The following ENKUR variants were observed in gnomAD, a reference collection of about 807,000 sequenced individuals.
The protein encoded by ENKUR is enkurin.
In ENKUR, 19 loss-of-function variants were observed where a neutral mutation model predicts 27.6. The observed-to-expected ratio is 0.69, with a 90% CI of 0.48 to 1.01. The LOEUF is 1.01. Among genes scored for constraint, ENKUR ranks in the 50% least tolerant of loss-of-function variants. The probability of loss-of-function intolerance (pLI) is 0.00; values close to 1 mark genes in which losing one functional copy is unlikely to be tolerated. For missense variants in ENKUR, 312 were observed against 310.5 expected (o/e 1.00, Z -0.04); for synonymous variants, 117 against 96.9 (o/e 1.21, Z -1.22).
chr10:24,993,771 A>G (rs1371635902), intron 3 of ENKUR, among the ~76,000 whole-genome samples: 2 of 152,226 alleles, frequency 1.3e-5, no homozygotes, highest in Non-Finnish European at 2.9e-5. Flanking sequence ...TTCTGTTTCC[A>G]TGATGGATAC....
chr10:25,024,295 A>C (rs1472865795), intron 2 of ENKUR: 8 of 1,614,220 alleles, frequency 5.0e-6, no homozygotes, highest in Non-Finnish European at 6.8e-6. Flanking sequence ...TTTACAGCTT[A>C]TGCCTCATAT....
At chr10:24,988,783 G>A (rs189210581) in intron 4 of ENKUR, among the ~76,000 whole-genome samples, 3 of 128,538 alleles carry the variant, frequency 2.3e-5, no homozygotes, top group African/African-American at 8.9e-5. Flanking sequence ...TCCTGTCCAG[G>A]TATAATGAGA....
At chr10:25,029,798 A>T (rs1850913949) in intron 2 of ENKUR, among the ~76,000 whole-genome samples, 1 of 152,206 alleles carries the variant, frequency 6.6e-6, no homozygotes, top group Non-Finnish European at 1.5e-5. Flanking sequence ...GAAAGTTGCC[A>T]ATGTCATGGA....
At chr10:24,999,187 A>G (rs1241237706) in intron 2 of ENKUR, among the ~76,000 whole-genome samples, 1 of 152,178 alleles carries the variant, frequency 6.6e-6, no homozygotes, top group Non-Finnish European at 1.5e-5. Context: ...GATAGTCCAA[A>G]CCCAATCTAA....
chr10:25,029,427 G>T (rs980311149), intron 2 of ENKUR, among the ~76,000 whole-genome samples: 1 of 152,028 alleles, frequency 6.6e-6, no homozygotes, highest in African/African-American at 2.4e-5. Flanking sequence ...AAATTGTTTT[G>T]TATGAAGTTT....
intron 2 of ENKUR, among the ~76,000 whole-genome samples, chr10:25,030,510 T>C (rs972836722): frequency 1.3e-5 from 2 of 152,192 alleles, no homozygotes; most frequent in African/African-American, 4.8e-5. Context: ...TGATTCTTGA[T>C]TTTTAAAATG....
chr10:25,053,252 C>T (rs372466090), intron 2 of ENKUR, among the ~76,000 whole-genome samples: 18 of 152,216 alleles, frequency 1.2e-4, no homozygotes, highest in Admixed American at 5.9e-4. Flanking sequence ...TAAAATCAAG[C>T]GAATTAACAT....
chr10:25,021,399 A>G (rs1466662333), intron 2 of ENKUR, among the ~76,000 whole-genome samples: 2 of 152,232 alleles, frequency 1.3e-5, no homozygotes, highest in Admixed American at 1.3e-4. Flanking sequence ...TCATAGCTTT[A>G]GTCTGCTGAC....
rs57431152 is a variant in ENKUR at position 25,057,428 on chromosome 10, C to CACACACACAA, written c.37+3683_37+3684insTTGTGTGTGT. On this transcript the variant is annotated intron_variant, in intron 2 of 5. Transcript: ENST00000615958. ...ACACACACACACACACACACACACA[C>CACACACACAA]AATGCCCTTAAATCGCTCTTCAGTT... is the stretch of plus-strand genomic sequence containing the variant. Among the ~76,000 whole-genome samples, 66 of 132,038 alleles carry CACACACACAA rather than the reference C, an allele frequency of 5.0e-4. 2 individuals are homozygous for CACACACACAA. The highest frequency in any genetic ancestry group is 2.4e-3 in the South Asian group (10 of 4,184). 86.6% of individuals were successfully genotyped at this position (132,038 alleles called of 152,430 possible).
chr10:25,027,424 C>T (rs538801864), intron 2 of ENKUR, among the ~76,000 whole-genome samples: 6 of 143,800 alleles, frequency 4.2e-5, no homozygotes, highest in Non-Finnish European at 9.0e-5. Context: ...GTAGTCCCAG[C>T]TACTTGGGAG....
intron 4 of ENKUR, among the ~76,000 whole-genome samples, chr10:24,989,377 G>A (rs909821036): frequency 1.3e-5 from 2 of 152,112 alleles, no homozygotes; most frequent in Non-Finnish European, 2.9e-5. Context: ...AAGAGACACC[G>A]TCCTTGCCTT....
chr10:24,984,310 G>A lies in ENKUR; in HGVS notation c.*60C>T. ...GGAGACAGTTTAGAGTAGCAAGAAG[G>A]CACGTGTTACTATTTCCAGTTCAAA... On this transcript the variant is annotated 3_prime_UTR_variant, in exon 6 of 6. Transcript: ENST00000331161. 1 of 1,568,102 alleles carries A rather than the reference G, an allele frequency of 6.4e-7. No homozygotes were observed. The highest frequency in any genetic ancestry group is 8.7e-7 in the Non-Finnish European group (1 of 1,152,276).
Position 25,024,515 on chromosome 10 carries a change from TG to T in ENKUR, c.38-28647del, listed in dbSNP as rs756551879. ...AGTCAGAGAGAAAATGGATGGGCAG[TG>T]GGTGTTGAGTCAGATTTTGATTTTT... On this transcript the variant is annotated intron_variant, in intron 2 of 5. Transcript: ENST00000615958. 5.0e-6 allele frequency: 8 copies of T among 1,614,184 alleles called. No individual in the cohort carries two copies. In the African/African-American group the frequency reaches 6.7e-5, roughly 13 times the overall value.
chr10:25,055,284 G>A lies in ENKUR; in HGVS notation c.37+5828C>T, dbSNP rs565556173. On this transcript the variant is annotated intron_variant, in intron 2 of 5. Transcript: ENST00000615958. ...TTGATTTTGCTTGCATGCAAAAGTT[G>A]AGCAGGGAGAAGAAATAAGGGGTGA... is the stretch of plus-strand genomic sequence containing the variant. Among the ~76,000 whole-genome samples, 5 of 151,652 alleles carry A rather than the reference G, an allele frequency of 3.3e-5. No homozygotes were observed. In the South Asian group the frequency reaches 1.0e-3, roughly 32 times the overall value.
At chr10:24,985,353 C>T (rs1849758021) in intron 4 of ENKUR, among the ~76,000 whole-genome samples, 1 of 152,180 alleles carries the variant, frequency 6.6e-6, no homozygotes, top group Non-Finnish European at 1.5e-5. Flanking sequence ...AGACCTAATT[C>T]TGATGTGGAT....
chr10:25,041,265 A>T, intron 2 of ENKUR, among the ~76,000 whole-genome samples: 2 of 152,174 alleles, frequency 1.3e-5, no homozygotes, highest in East Asian at 3.9e-4. Flanking sequence ...GATTCAGATC[A>T]TTGTTTCCTT....
At chr10:25,025,457 AGCT>A in intron 2 of ENKUR, 1 of 1,588,696 alleles carries the variant, frequency 6.3e-7, no homozygotes, top group Non-Finnish European at 8.5e-7. Context: ...TTCATATGAA[AGCT>A]TTCAGAGTAA....
At chr10:25,003,473 C>A (rs1365982701) in intron 1 of ENKUR, among the ~76,000 whole-genome samples, 2 of 152,218 alleles carry the variant, frequency 1.3e-5, no homozygotes, top group Admixed American at 6.5e-5. Context: ...TTCCAAAGTG[C>A]TGGGATAACA....
chr10:25,020,825 T>G (rs1245790904), upstream of ENKUR, among the ~76,000 whole-genome samples: 2 of 152,058 alleles, frequency 1.3e-5, no homozygotes, highest in African/African-American at 2.4e-5. Context: ...CAGAAAGTTA[T>G]GTATTGCAAA....
Sources: allele counts gnomAD v4.1 joint callset (sites outside exome capture counted in the v4.1 genomes callset), GRCh38; gene constraint gnomAD v4.1.1; transcripts MANE v1.5; gene names NCBI Gene and HGNC (gene_info 2026-07-23, HGNC 2026-07-21).